Variants in PPP2R5E observed in about 807,000 individuals in gnomAD.
The protein encoded by PPP2R5E is serine/threonine-protein phosphatase 2A 56 kDa regulatory subunit epsilon isoform.
A neutral mutation model predicts 65.3 loss-of-function variants in PPP2R5E; 4 were observed. The ratio of observed to expected loss-of-function variants is 0.06; its 90% CI spans 0.03 to 0.14. PPP2R5E has a LOEUF of 0.14. Ranked by LOEUF, PPP2R5E falls within the 10% of genes least tolerant of loss-of-function variation. The pLI, the probability that PPP2R5E is intolerant of heterozygous loss-of-function variation, is 1.00. For synonymous variants in PPP2R5E, 183 were observed against 187.4 expected, an observed-to-expected ratio of 0.98 and a Z score of 0.19; for missense variants, 274 against 556.1, an observed-to-expected ratio of 0.49 and a Z score of 5.10.
chr14:63,435,739 A>G (rs948581367), intron 3 of PPP2R5E, among the ~76,000 whole-genome samples: 12 of 152,152 alleles, frequency 7.9e-5, no homozygotes, highest in African/African-American at 2.9e-4. Context: ...TTCGGCTCCT[A>G]TTTCAAGATC....
At chr14:63,529,932 A>G (rs1276855574) in intron 2 of PPP2R5E, among the ~76,000 whole-genome samples, 1 of 152,158 alleles carries the variant, frequency 6.6e-6, no homozygotes, top group East Asian at 1.9e-4. Flanking sequence ...GTTTTATGGT[A>G]AGGGTAGATG....
intron 2 of PPP2R5E, among the ~76,000 whole-genome samples, chr14:63,502,575 G>A (rs1891943526): frequency 1.3e-5 from 2 of 152,076 alleles, no homozygotes; most frequent in Admixed American, 6.6e-5. Context: ...ACTGAGGCAG[G>A]AGAATTGCTT....
intron 2 of PPP2R5E, among the ~76,000 whole-genome samples, chr14:63,496,516 AACCTCATCCAGCTCGCCTCTTGAACCAT>A (rs1370854545): frequency 6.6e-6 from 1 of 152,060 alleles, no homozygotes; most frequent in Non-Finnish European, 1.5e-5. Flanking sequence ...AGAGTTAAGA[AACCTCATCCAGCTCGCCTCTTGAACCAT>A]AACCCATCAA....
chr14:63,433,586 T>C (rs1224746024), intron 3 of PPP2R5E, among the ~76,000 whole-genome samples: 2 of 150,848 alleles, frequency 1.3e-5, no homozygotes, highest in African/African-American at 2.5e-5. Context: ...CAATTCAACA[T>C]AGTGTCCTAC....
chr14:63,467,492 A>T (rs1209810294), intron 2 of PPP2R5E, among the ~76,000 whole-genome samples: 1 of 152,136 alleles, frequency 6.6e-6, no homozygotes, highest in Non-Finnish European at 1.5e-5. Context: ...ACTGAAAATG[A>T]CTTTCCCTTT....
chr14:63,505,043 T>C (rs1892091555), intron 2 of PPP2R5E, among the ~76,000 whole-genome samples: 1 of 152,120 alleles, frequency 6.6e-6, no homozygotes, highest in African/African-American at 2.4e-5. Flanking sequence ...CTTAAAGTAT[T>C]ACTAAGACCG....
intron 2 of PPP2R5E, among the ~76,000 whole-genome samples, chr14:63,523,160 G>A (rs1268710576): frequency 3.4e-4 from 52 of 151,108 alleles, no homozygotes; most frequent in Non-Finnish European, 3.7e-4. Context: ...CGCCCCTACT[G>A]GGAGGTGAGG....
At chr14:63,540,739 A>C (rs1893866109) in intron 1 of PPP2R5E, among the ~76,000 whole-genome samples, 1 of 151,676 alleles carries the variant, frequency 6.6e-6, no homozygotes, top group African/African-American at 2.4e-5. Context: ...AAAAAAAAGA[A>C]ACAAACAAAG....
rs539865548 is a variant in PPP2R5E, at chr14:63,463,251, T to G, written c.158-9366A>C. The stretch of plus-strand genomic sequence containing the variant: ...GCCTACTGGGTTCAAGTGATTCTCC[T>G]GCCTCAGCCTCCCGAGTAGCTGGGA... On this transcript the variant is annotated intron_variant, in intron 2 of 13. Transcript: ENST00000337537. Among the ~76,000 whole-genome samples, 454 of 151,130 alleles carry G rather than the reference T, an allele frequency of 3.0e-3. 2 individuals carry two copies. Among genetic ancestry groups the G allele is most frequent in the African/African-American group, 0.011 (437 of 41,316 alleles).
At chr14:63,539,118 A>T (rs1040314230) in intron 2 of PPP2R5E, among the ~76,000 whole-genome samples, 1 of 152,054 alleles carries the variant, frequency 6.6e-6, no homozygotes, top group Non-Finnish European at 1.5e-5. Context: ...TCCAAATACC[A>T]TTTTCTATAT....
chr14:63,393,793 A>G (rs1473963880), intron 8 of PPP2R5E, 27 bp downstream of exon 8: 3 of 1,415,340 alleles, frequency 2.1e-6, no homozygotes, highest in Admixed American at 4.0e-5. Flanking sequence ...TTTTGCTTCT[A>G]AAAGTAGTTG....
chr14:63,540,564 A>T (rs1235278700), intron 1 of PPP2R5E, among the ~76,000 whole-genome samples: 2 of 151,504 alleles, frequency 1.3e-5, no homozygotes, highest in South Asian at 2.1e-4. Flanking sequence ...AAAAAAAAAA[A>T]ATACAAAAAT....
At chr14:63,424,579 G>A (rs905048525) in intron 3 of PPP2R5E, among the ~76,000 whole-genome samples, 3 of 151,974 alleles carry the variant, frequency 2.0e-5, no homozygotes, top group South Asian at 4.2e-4. Flanking sequence ...GTGAAACCCC[G>A]TCTCTACTAA....
Position 63,374,778 on chromosome 14 carries a change from C to G in PPP2R5E, c.*1231G>C, listed in dbSNP as rs1318432774. On this transcript the variant is annotated 3_prime_UTR_variant, in exon 14 of 14. Coordinates refer to ENST00000337537, the MANE Select transcript of PPP2R5E (RefSeq NM_006246.5). ...TAAACTTTATTATTAATACTCAGGA[C>G]ATTAGGAATTTCCAGATTTTTTTCA... 6.6e-6 allele frequency: 1 copy of G among 151,130 alleles called. No individual in the cohort carries two copies. The highest frequency in any genetic ancestry group is 2.4e-5 in the African/African-American group (1 of 40,852). 9.4% of individuals were successfully genotyped at this position (151,130 alleles called of 1,614,324 possible).
In PPP2R5E at chr14:63,537,444, T is replaced by C. The variant is rs72716314; in HGVS notation, c.157+2085A>G. 9.8e-3 allele frequency among the ~76,000 whole-genome samples: 1,490 copies of C among 152,244 alleles called. 22 individuals carry two copies. Among genetic ancestry groups the C allele is most frequent in the East Asian group, 0.067 (347 of 5,178 alleles). ...ACTATTTTCATTTTTACCAGCAAAA[T>C]CTCTAGTCAAAATTTTCTCCCCCAA... On this transcript the variant is annotated intron_variant, in intron 2 of 13. Transcript: ENST00000337537.
At chr14:63,460,349 T>A (rs1388849394) in intron 2 of PPP2R5E, among the ~76,000 whole-genome samples, 1 of 152,212 alleles carries the variant, frequency 6.6e-6, no homozygotes, top group Non-Finnish European at 1.5e-5. Flanking sequence ...CCAGTAGTCT[T>A]ACTGCCCCAA....
At chr14:63,462,963 G>A (rs1889565231) in intron 2 of PPP2R5E, among the ~76,000 whole-genome samples, 1 of 151,462 alleles carries the variant, frequency 6.6e-6, no homozygotes, top group East Asian at 2.0e-4. Flanking sequence ...TTAGCCAGGT[G>A]TGGTGGCGCA....
rs1027552856 is a variant in PPP2R5E at position 63,444,109 on chromosome 14, C to T, written c.354+9580G>A. Among the ~76,000 whole-genome samples the T allele has an allele frequency of 3.3e-5, 5 of 152,218 alleles. No individual in the cohort carries two copies. The South Asian group carries it at 1.0e-3, about 31-fold the overall frequency. Reference sequence around the variant, plus strand: ...CCATTGTCTGTCAGGTTCTTTCAGACTGGCCCACATCCACATCTTCAGCTG... The same window carrying T: ...CCATTGTCTGTCAGGTTCTTTCAGATTGGCCCACATCCACATCTTCAGCTG... On this transcript the variant is annotated intron_variant, in intron 3 of 13. Transcript: ENST00000337537.
At chr14:63,447,973 G>A (rs1310839691) in intron 3 of PPP2R5E, among the ~76,000 whole-genome samples, 7 of 152,156 alleles carry the variant, frequency 4.6e-5, no homozygotes, top group South Asian at 2.1e-4. Context: ...TGCTGTAGGG[G>A]CACATTTCAT....
Sources: gnomAD v4.1 joint callset for allele counts (sites outside exome capture counted in the v4.1 genomes callset) on GRCh38, gnomAD v4.1.1 for gene constraint, MANE v1.5 for transcripts, NCBI Gene and HGNC (gene_info 2026-07-23, HGNC 2026-07-21) for gene names.